The following ME3 variants were observed in gnomAD, a reference collection of about 807,000 sequenced individuals.
The protein encoded by ME3 is NADP-dependent malic enzyme, mitochondrial.
ME3 carries 48 observed loss-of-function variants against 68.9 expected under a neutral mutation model. The observed-to-expected ratio is 0.70, with a 90% CI of 0.55 to 0.89. ME3 has a LOEUF of 0.89. ME3 is among the 40% of genes least tolerant of loss of function. ME3 has a pLI of 0.00. For missense variants in ME3, 675 were observed against 797.4 expected (o/e 0.85, Z 1.85); for synonymous variants, 320 against 318.8 (o/e 1.00, Z -0.04).
intron 7 of ME3, among the ~76,000 whole-genome samples, chr11:86,475,874 T>TATATATAGAGAGAGAGAGAGAGAG: frequency 7.7e-5 from 7 of 91,470 alleles, no homozygotes; most frequent in African/African-American, 2.5e-4. Context: ...TATATATATA[T>TATATATAGAGAGAGAGAGAGAGAG]AGAGAGAGAG....
chr11:86,438,574 C>G (rs1948910075), downstream of ME3, among the ~76,000 whole-genome samples: 1 of 152,014 alleles, frequency 6.6e-6, no homozygotes, highest in Non-Finnish European at 1.5e-5. Flanking sequence ...TTGATAAATT[C>G]CAACCAATGA....
chr11:86,654,019 A>C (rs1945671741), intron 2 of ME3, among the ~76,000 whole-genome samples: 1 of 152,206 alleles, frequency 6.6e-6, no homozygotes, highest in African/African-American at 2.4e-5. Context: ...ATTCCTCGAC[A>C]CATACACCCT....
At position 86,595,077 on chromosome 11, in the gene ME3, C is replaced by T. The variant is rs995579118; in HGVS notation, c.184-35254G>A. 2.8e-4 allele frequency among the ~76,000 whole-genome samples: 41 copies of T among 144,576 alleles called. 3 individuals carry two copies. The highest frequency in any genetic ancestry group is 1.0e-3 in the African/African-American group (39 of 39,062). The allele number at this position is 144,576 out of a possible 152,430, so 94.8% of individuals were successfully genotyped here. A position where few individuals can be genotyped will look rare whatever the true frequency, so the allele number is the denominator to read the frequency against. The stretch of plus-strand genomic sequence containing the variant: ...ATTCACAATAGAAGGGAGTTTTGCT[C>T]TTTTTTAATAGAGGCCTTTAGAGGA... On this transcript the variant is annotated intron_variant, in intron 2 of 14. Transcript: ENST00000543262.
chr11:86,642,426 G>A (rs1432678823), intron 2 of ME3, among the ~76,000 whole-genome samples: 1 of 152,186 alleles, frequency 6.6e-6, no homozygotes, highest in African/African-American at 2.4e-5. Flanking sequence ...CAGCAAATTG[G>A]TGCTTTCCAT....
chr11:86,573,395 G>C (rs919100729), intron 2 of ME3, among the ~76,000 whole-genome samples: 1 of 150,896 alleles, frequency 6.6e-6, no homozygotes, highest in Non-Finnish European at 1.5e-5. Context: ...TTTTCTTCTA[G>C]GGTTTTTATA....
rs956913616 is a variant in ME3 at position 86,561,155 on chromosome 11, G to A, written c.184-1332C>T. Among the ~76,000 whole-genome samples, 3 of 152,048 alleles carry A rather than the reference G, an allele frequency of 2.0e-5. No homozygotes were observed. The South Asian group carries it at 6.2e-4, about 32-fold the overall frequency. On this transcript the variant is annotated intron_variant, in intron 2 of 14. Coordinates refer to ENST00000543262, the Ensembl canonical transcript of ME3. ...TGGCCATTGGGAGTGTTTTCAGCTG[G>A]CTCTTGGATTTCTTTGACATACTAC... is the stretch of plus-strand genomic sequence containing the variant.
chr11:86,468,591 T>G (rs1236196225), intron 7 of ME3, among the ~76,000 whole-genome samples: 1 of 152,234 alleles, frequency 6.6e-6, no homozygotes, highest in East Asian at 1.9e-4. Context: ...GGAGTTTGTC[T>G]GCCAACTCTT....
At chr11:86,525,036 G>A (rs1357035871) in intron 4 of ME3, among the ~76,000 whole-genome samples, 1 of 152,164 alleles carries the variant, frequency 6.6e-6, no homozygotes, top group Non-Finnish European at 1.5e-5. Context: ...TCTGGTCAGG[G>A]ATAAGTTCCA....
At chr11:86,601,522 G>A (rs1205192630) in intron 2 of ME3, among the ~76,000 whole-genome samples, 1 of 152,032 alleles carries the variant, frequency 6.6e-6, no homozygotes, top group Non-Finnish European at 1.5e-5. Context: ...TCTACCAGAG[G>A]TACAAGGAGG....
intron 2 of ME3, among the ~76,000 whole-genome samples, chr11:86,641,667 G>T (rs561577004): frequency 6.6e-6 from 1 of 152,262 alleles, no homozygotes; most frequent in East Asian, 1.9e-4. Context: ...CTACAATTGT[G>T]CAAGAACTAT....
intron 2 of ME3, among the ~76,000 whole-genome samples, chr11:86,599,752 C>T (rs1429218649): frequency 1.3e-5 from 2 of 152,152 alleles, no homozygotes; most frequent in Non-Finnish European, 2.9e-5. Flanking sequence ...CAGCGGATCT[C>T]TTGGCAGAAA....
intron 4 of ME3, among the ~76,000 whole-genome samples, chr11:86,517,118 T>C (rs1487245374): frequency 2.0e-5 from 3 of 152,180 alleles, no homozygotes. Flanking sequence ...TTCTGTTCTG[T>C]AAATATATTC....
chr11:86,634,926 A>AC (rs1944240144), intron 2 of ME3, among the ~76,000 whole-genome samples: 6 of 150,810 alleles, frequency 4.0e-5, no homozygotes, highest in Admixed American at 2.0e-4. Flanking sequence ...AACAACAACA[A>AC]AAAACCCAGA....
intron 2 of ME3, among the ~76,000 whole-genome samples, chr11:86,579,283 C>T (rs1356164984): frequency 6.6e-6 from 1 of 152,160 alleles, no homozygotes; most frequent in African/African-American, 2.4e-5. Context: ...ACAAGTGGTA[C>T]ATTTACTAGA....
intron 2 of ME3, among the ~76,000 whole-genome samples, chr11:86,667,326 AG>A (rs1443196719): frequency 6.6e-6 from 1 of 152,218 alleles, no homozygotes; most frequent in Non-Finnish European, 1.5e-5. Context: ...CACGGATCAA[AG>A]GGGGAAGATT....
At chr11:86,644,787 G>A (rs1364001056) in intron 2 of ME3, among the ~76,000 whole-genome samples, 2 of 152,210 alleles carry the variant, frequency 1.3e-5, no homozygotes, top group East Asian at 3.8e-4. Flanking sequence ...TCAAATAGGA[G>A]CAGCTCCGGT....
At chr11:86,658,115 A>C (rs903921711) in intron 2 of ME3, among the ~76,000 whole-genome samples, 105 of 128,190 alleles carry the variant, frequency 8.2e-4, no homozygotes, top group African/African-American at 3.0e-3. Flanking sequence ...ATGTAGGCAA[A>C]GTTTACCTTC....
At chr11:86,494,561 A>T (rs2138989309) in intron 6 of ME3, among the ~76,000 whole-genome samples, 1 of 152,242 alleles carries the variant, frequency 6.6e-6, no homozygotes, top group South Asian at 2.1e-4. Flanking sequence ...CCCTCCTCCT[A>T]GACAGGGGTA....
intron 8 of ME3, among the ~76,000 whole-genome samples, chr11:86,456,198 C>T (rs1337846783): frequency 3.9e-5 from 6 of 152,126 alleles, no homozygotes; most frequent in Non-Finnish European, 5.9e-5. Context: ...CATTGGCTAG[C>T]GGGAGTTTTC....
Sources: allele counts gnomAD v4.1 joint callset (sites outside exome capture counted in the v4.1 genomes callset), GRCh38; gene constraint gnomAD v4.1.1; transcripts MANE v1.5; gene names NCBI Gene and HGNC (gene_info 2026-07-23, HGNC 2026-07-21).